PCDHGB7: variants seen among roughly 807,000 people sequenced by gnomAD.
PCDHGB7 encodes protocadherin gamma-B7.
PCDHGB7 carries 37 observed loss-of-function variants against 61.4 expected under a neutral mutation model. That is an observed-to-expected ratio of 0.60 (90% CI 0.46 to 0.79). The LOEUF is 0.79. PCDHGB7 is among the 30% of genes least tolerant of loss of function. The pLI is 0.00. For synonymous variants in PCDHGB7, 464 were observed against 503.5 expected (o/e 0.92, Z 1.05); for missense variants, 1,166 against 1,202.5 (o/e 0.97, Z 0.45).
At chr5:141,446,039 A>G (rs1349676116) in intron 1 of PCDHGB7, among the ~76,000 whole-genome samples, 1 of 152,180 alleles carries the variant, frequency 6.6e-6, no homozygotes, top group African/African-American at 2.4e-5. Context: ...TAAGAAATGG[A>G]AGAAGAGCTG....
intron 1 of PCDHGB7, chr5:141,422,371 C>A: frequency 6.4e-7 from 1 of 1,567,208 alleles, no homozygotes; most frequent in South Asian, 1.2e-5. Context: ...AGAAAATGGT[C>A]AAGTCTCCTG....
chr5:141,458,386 G>T (rs1037969327), intron 1 of PCDHGB7, among the ~76,000 whole-genome samples: 2 of 152,070 alleles, frequency 1.3e-5, no homozygotes, highest in African/African-American at 2.4e-5. Flanking sequence ...GAAGGAAGAC[G>T]CTCCCCCTTG....
intron 1 of PCDHGB7, among the ~76,000 whole-genome samples, chr5:141,435,105 G>C (rs1046201852): frequency 2.6e-5 from 4 of 151,940 alleles, no homozygotes; most frequent in African/African-American, 9.7e-5. Flanking sequence ...TATCTAGGGG[G>C]GAGAAATCTA....
At chr5:141,435,026 C>T (rs977017371) in intron 1 of PCDHGB7, among the ~76,000 whole-genome samples, 1 of 151,978 alleles carries the variant, frequency 6.6e-6, no homozygotes, top group Non-Finnish European at 1.5e-5. Flanking sequence ...GCTCTTTTCC[C>T]ACTTTTATTT....
chr5:141,496,234 T>C (rs2154591884), intron 2 of PCDHGB7, among the ~76,000 whole-genome samples: 1 of 152,232 alleles, frequency 6.6e-6, no homozygotes, highest in Middle Eastern at 3.4e-3. Context: ...AGGAACCCCC[T>C]GCGGGCTGAA....
chr5:141,434,838 A>G (rs1363952147), intron 1 of PCDHGB7, among the ~76,000 whole-genome samples: 1 of 152,022 alleles, frequency 6.6e-6, no homozygotes, highest in Non-Finnish European at 1.5e-5. Context: ...GGCATTTATA[A>G]AGCAGACATC....
intron 1 of PCDHGB7, among the ~76,000 whole-genome samples, chr5:141,463,049 T>C (rs529642816): frequency 3.9e-4 from 60 of 152,326 alleles, no homozygotes; most frequent in African/African-American, 1.3e-3. Context: ...CAGCAGGGTC[T>C]CTTTATTATG....
At chr5:141,444,205 CTT>C in intron 1 of PCDHGB7, among the ~76,000 whole-genome samples, 1 of 77,932 alleles carries the variant, frequency 1.3e-5, no homozygotes. Context: ...GAGTTTCACT[CTT>C]GTTGCCCAGG....
At chr5:141,442,049 C>A in intron 1 of PCDHGB7, 2 of 202,550 alleles carry the variant, frequency 9.9e-6, no homozygotes, top group South Asian at 1.3e-4. Flanking sequence ...GCCTACTGGT[C>A]GCGGTGCACT....
In PCDHGB7 at chr5:141,511,445, A is replaced by G; in HGVS notation, c.*272A>G. ...GGTAGTGGGGTTACTGTAGACACCA[A>G]GAACCATTTGCCACACCCCGTTTAG... On this transcript the variant is annotated 3_prime_UTR_variant, in exon 4 of 4. Coordinates refer to ENST00000398594, the MANE Select transcript of PCDHGB7 (RefSeq NM_018927.4). 4.5e-6 allele frequency: 3 copies of G among 659,774 alleles called. No individual in the cohort carries two copies. Among genetic ancestry groups the G allele is most frequent in the Non-Finnish European group, 4.9e-6 (2 of 412,228 alleles). 40.9% of individuals were successfully genotyped at this position (659,774 alleles called of 1,614,324 possible). A position where few individuals can be genotyped will look rare whatever the true frequency, so the allele number is the denominator to read the frequency against.
chr5:141,434,861 T>C (rs1157640770), intron 1 of PCDHGB7, among the ~76,000 whole-genome samples: 1 of 151,998 alleles, frequency 6.6e-6, no homozygotes, highest in Non-Finnish European at 1.5e-5. Context: ...TAAATTTATA[T>C]ATATGTGACA....
chr5:141,466,928 T>TTAG (rs1231908662), intron 1 of PCDHGB7, among the ~76,000 whole-genome samples: 1 of 152,220 alleles, frequency 6.6e-6, no homozygotes, highest in Non-Finnish European at 1.5e-5. Context: ...ATTAGGAATA[T>TTAG]TAGTCCTTTG....
In PCDHGB7 at chr5:141,431,028, T is replaced by C. The variant is rs367575636; in HGVS notation, c.2415+10754T>C. On this transcript the variant is annotated intron_variant, in intron 1 of 3. Transcript: ENST00000398594. This position sits in a 1 kb window ranked among gnomAD's most constrained non-coding sequence, Gnocchi z 4.8. ...GGCAGCTTGGTCACGGCGGGCAGGA[T>C]AGACCGGGAGGAGCTCTGTATGGGG... The C allele has an allele frequency of 6.2e-7, 1 of 1,613,986 alleles. No homozygotes were observed. Among genetic ancestry groups the C allele is most frequent in the Admixed American group, 1.7e-5 (1 of 60,022 alleles).
chr5:141,495,870 CCT>C (rs1183994771), intron 2 of PCDHGB7, among the ~76,000 whole-genome samples: 2 of 152,100 alleles, frequency 1.3e-5, no homozygotes. Flanking sequence ...TTTCTGCTTT[CCT>C]CTCTGTTCTT....
intron 1 of PCDHGB7, among the ~76,000 whole-genome samples, chr5:141,451,329 A>G (rs991467686): frequency 2.6e-5 from 4 of 152,196 alleles, no homozygotes; most frequent in African/African-American, 9.6e-5. Context: ...ACCTAAGGCT[A>G]TTGTCTTATC....
At chr5:141,478,567 C>T (rs371741874) in intron 1 of PCDHGB7, 20 of 1,593,698 alleles carry the variant, frequency 1.3e-5, no homozygotes, top group Non-Finnish European at 1.7e-5. Flanking sequence ...GCAAGTCATG[C>T]TTGACCCTGT....
chr5:141,450,207 A>AAGG (rs1164364390), intron 1 of PCDHGB7, among the ~76,000 whole-genome samples: 13 of 151,832 alleles, frequency 8.6e-5, no homozygotes, highest in Non-Finnish European at 1.8e-4. Flanking sequence ...TAGTAGAGAC[A>AAGG]AGGTTTCACT....
At chr5:141,428,129 C>G (rs1449809875) in intron 1 of PCDHGB7, 1 of 1,603,218 alleles carries the variant, frequency 6.2e-7, no homozygotes, top group Non-Finnish European at 8.5e-7. Context: ...CCGGGCTTTT[C>G]AGCCTGGGGC....
Position 141,432,038 on chromosome 5 carries a change from C to A in PCDHGB7, c.2415+11764C>A. On this transcript the variant is annotated intron_variant, in intron 1 of 3. Transcript: ENST00000398594. The surrounding 1 kb of genome is among the most constrained non-coding windows in gnomAD (Gnocchi z 6.0). ...CAACATCACAGTGACCGCCACTGAC[C>A]GGGGAACCCCGCCCCTATCCACGGA... 1 of 1,614,190 alleles carries A rather than the reference C, an allele frequency of 6.2e-7. No homozygotes were observed. The highest frequency in any genetic ancestry group is 1.1e-5 in the South Asian group (1 of 91,072).
Sources: gnomAD v4.1 joint callset for allele counts (sites outside exome capture counted in the v4.1 genomes callset) on GRCh38, gnomAD v4.1.1 for gene constraint, Gnocchi (gnomAD v3.1) non-coding constraint, MANE v1.5 for transcripts, NCBI Gene and HGNC (gene_info 2026-07-23, HGNC 2026-07-21) for gene names.